SPSB4: variants seen among roughly 807,000 people sequenced by gnomAD.
SPSB4 encodes SPRY domain-containing SOCS box protein 4.
SPSB4 carries 21 observed loss-of-function variants against 20.9 expected under a neutral mutation model. That is an observed-to-expected ratio of 1.01 (90% CI 0.71 to 1.45). The LOEUF (loss-of-function observed/expected upper bound fraction) is 1.45. Among genes scored for constraint, SPSB4 ranks in the 40% most tolerant of loss-of-function variants. The pLI is 0.00. For synonymous variants in SPSB4, 207 were observed against 183.8 expected, an observed-to-expected ratio of 1.13 and a Z score of -1.02; for missense variants, 399 against 399.2, an observed-to-expected ratio of 1.00 and a Z score of 0.00.
chr3:141,109,791 G>C (rs1349655548), intron 2 of SPSB4, among the ~76,000 whole-genome samples: 3 of 152,068 alleles, frequency 2.0e-5, no homozygotes, highest in African/African-American at 7.2e-5. Context: ...GGCCTTCCAG[G>C]TATTTTATTT....
At chr3:141,087,801 C>T (rs762123641) in intron 2 of SPSB4, among the ~76,000 whole-genome samples, 14 of 152,168 alleles carry the variant, frequency 9.2e-5, no homozygotes, top group Non-Finnish European at 1.9e-4. Flanking sequence ...TGGCAATTGT[C>T]TCTAGTCGCC....
At chr3:141,130,845 G>T (rs919402307) in intron 2 of SPSB4, among the ~76,000 whole-genome samples, 1 of 152,178 alleles carries the variant, frequency 6.6e-6, no homozygotes, top group Non-Finnish European at 1.5e-5. Context: ...GGTTGTGCAG[G>T]TGGTCAGTGA....
At chr3:141,085,473 C>T (rs1054856114) in intron 2 of SPSB4, among the ~76,000 whole-genome samples, 2 of 152,172 alleles carry the variant, frequency 1.3e-5, no homozygotes, top group African/African-American at 4.8e-5. Flanking sequence ...GCTGCTAGAG[C>T]TTCAGCCATT....
At chr3:141,056,058 G>A (rs929723675) in intron 1 of SPSB4, among the ~76,000 whole-genome samples, 4 of 152,252 alleles carry the variant, frequency 2.6e-5, no homozygotes, top group African/African-American at 9.6e-5. Flanking sequence ...GGACTTGGGG[G>A]TGCCCCATTG....
intron 2 of SPSB4, among the ~76,000 whole-genome samples, chr3:141,085,808 C>T (rs1938327658): frequency 6.6e-6 from 1 of 152,204 alleles, no homozygotes; most frequent in Admixed American, 6.5e-5. Flanking sequence ...CAGAAGGTCC[C>T]CTCCCTAGGG....
chr3:141,097,237 G>A (rs938009847), intron 2 of SPSB4, among the ~76,000 whole-genome samples: 12 of 152,212 alleles, frequency 7.9e-5, no homozygotes, highest in South Asian at 2.1e-4. Flanking sequence ...CCTTGGACCC[G>A]CCATGTTGAT....
intron 2 of SPSB4, 32 bp from the exon 3 acceptor site, chr3:141,147,110 G>A (rs1189093735): frequency 3.7e-6 from 6 of 1,612,546 alleles, no homozygotes; most frequent in Non-Finnish European, 3.4e-6. Context: ...GATGGCACAG[G>A]GCACACTCTA....
intron 2 of SPSB4, among the ~76,000 whole-genome samples, chr3:141,094,079 C>T (rs1214912905): frequency 6.6e-6 from 1 of 152,216 alleles, no homozygotes; most frequent in Non-Finnish European, 1.5e-5. Context: ...GCCAGGCGTG[C>T]TTGCTGTATC....
At chr3:141,140,950 G>A (rs925981617) in intron 2 of SPSB4, among the ~76,000 whole-genome samples, 15 of 152,246 alleles carry the variant, frequency 9.9e-5, no homozygotes, top group African/African-American at 3.6e-4. Context: ...GAGGCAGGCA[G>A]GCCTCCTTGA....
intron 2 of SPSB4, among the ~76,000 whole-genome samples, chr3:141,098,780 G>C (rs1938578683): frequency 1.3e-5 from 2 of 152,210 alleles, no homozygotes; most frequent in Admixed American, 1.3e-4. Context: ...AACAGTGAAA[G>C]GTAATAGTGG....
chr3:141,055,810 G>A (rs570715877), intron 1 of SPSB4, among the ~76,000 whole-genome samples: 5 of 152,180 alleles, frequency 3.3e-5, no homozygotes, highest in Non-Finnish European at 7.3e-5. Context: ...TGAGAGTGTG[G>A]GTGTGCCCAT....
At chr3:141,131,577 A>G (rs1224900887) in intron 2 of SPSB4, among the ~76,000 whole-genome samples, 5 of 150,838 alleles carry the variant, frequency 3.3e-5, no homozygotes, top group Admixed American at 1.3e-4. Context: ...TTTTGCTTCT[A>G]TACAGAAGAC....
chr3:141,066,681 G>T lies in SPSB4; in HGVS notation c.577G>T (p.Asp193Tyr), dbSNP rs1468501044. Residue 193 changes from aspartate to tyrosine, a missense_variant, in exon 2 of 3, where the codon GAT becomes TAT. Physicochemically the swap from Asp to Tyr is radical, Grantham distance 160 (BLOSUM62 -3). Coordinates refer to ENST00000310546, the MANE Select transcript of SPSB4 (RefSeq NM_080862.3). ...MDEGTLSFIV[D>Y]GQYLGVAFRG... ...TGAGGGCACACTCAGCTTCATCGTGGATGGCCAGTACCTGGGCGTGGCCTT... is the reference window on the plus strand; with the variant it reads ...TGAGGGCACACTCAGCTTCATCGTGTATGGCCAGTACCTGGGCGTGGCCTT... 6.2e-7 allele frequency: 1 copy of T among 1,613,334 alleles called. No individual in the cohort carries two copies. The highest frequency in any genetic ancestry group is 2.2e-5 in the East Asian group (1 of 44,890).
intron 2 of SPSB4, among the ~76,000 whole-genome samples, chr3:141,131,603 C>T (rs1021148703): frequency 2.0e-5 from 3 of 152,020 alleles, no homozygotes; most frequent in Admixed American, 6.6e-5. Context: ...ACAAAATGTA[C>T]TTTTTCTCAC....
Position 141,056,846 on chromosome 3 carries a change from C to T in SPSB4, c.-154+4854C>T, listed in dbSNP as rs769828425. 2.4e-4 allele frequency among the ~76,000 whole-genome samples: 36 copies of T among 152,242 alleles called. 1 individual carries two copies. The highest frequency in any genetic ancestry group is 9.2e-4 in the Admixed American group (14 of 15,290). ...GGTGACCGGGCTGGCCCGGACTGCACGTGGCCTTGCTGTCTCAGTGGTATG... is the reference window on the plus strand; with the variant it reads ...GGTGACCGGGCTGGCCCGGACTGCATGTGGCCTTGCTGTCTCAGTGGTATG... On this transcript the variant is annotated intron_variant, in intron 1 of 2. Transcript: ENST00000310546.
chr3:141,092,764 C>T (rs1168782545), intron 2 of SPSB4, among the ~76,000 whole-genome samples: 3 of 152,242 alleles, frequency 2.0e-5, no homozygotes, highest in Non-Finnish European at 4.4e-5. Flanking sequence ...ACATTCCCTG[C>T]ACGGGAAGGG....
At chr3:141,132,044 T>C (rs1185134873) in intron 2 of SPSB4, 3 of 197,728 alleles carry the variant, frequency 1.5e-5, no homozygotes, top group Admixed American at 6.2e-5. Flanking sequence ...CAACAGGTGG[T>C]TTTTGATTTC....
At chr3:141,143,776 A>G (rs535296890) in intron 2 of SPSB4, among the ~76,000 whole-genome samples, 35 of 152,330 alleles carry the variant, frequency 2.3e-4, no homozygotes, top group African/African-American at 8.4e-4. Flanking sequence ...TCAAGAGAGC[A>G]CCAGAGTTTT....
intron 2 of SPSB4, among the ~76,000 whole-genome samples, chr3:141,141,733 G>C (rs1238548747): frequency 6.6e-6 from 1 of 151,930 alleles, no homozygotes; most frequent in Non-Finnish European, 1.5e-5. Context: ...ATTTGTTACT[G>C]GTCTGTTCGG....
Sources: allele counts gnomAD v4.1 joint callset (sites outside exome capture counted in the v4.1 genomes callset), GRCh38; gene constraint gnomAD v4.1.1; transcripts MANE v1.5; gene names NCBI Gene and HGNC (gene_info 2026-07-23, HGNC 2026-07-21).